Variants in BMP1 observed in about 807,000 individuals in gnomAD.
BMP1 encodes bone morphogenetic protein 1, also known as mammalian tolloid protein.
In BMP1, 63 loss-of-function variants were observed where a neutral mutation model predicts 116.8. The observed-to-expected ratio is 0.54, with a 90% CI of 0.44 to 0.67. The LOEUF (loss-of-function observed/expected upper bound fraction) is 0.67. Ranked by LOEUF, BMP1 falls within the 30% of genes least tolerant of loss-of-function variation. The pLI, the probability that BMP1 is intolerant of heterozygous loss-of-function variation, is 0.00. For missense variants in BMP1, 1,183 were observed against 1,358.9 expected, an observed-to-expected ratio of 0.87 and a Z score of 2.04; for synonymous variants, 536 against 533.4, an observed-to-expected ratio of 1.00 and a Z score of -0.07.
rs752613212 is a variant in BMP1, at chr8:22,176,548, T to C, written c.449T>C (p.Val150Ala). 1.9e-6 allele frequency: 3 copies of C among 1,614,062 alleles called. No individual in the cohort carries two copies. Among genetic ancestry groups the C allele is most frequent in the African/African-American group, 2.7e-5 (2 of 74,932 alleles). Residue 150 changes from valine (V) to alanine (A), a missense_variant, in exon 4 of 20, where the codon GTC (valine) becomes GCC (alanine). This residue lies in a region of BMP1 where 40 missense variants were observed against 47.5 expected (regional missense o/e 0.84). Transcript: ENST00000306385. ...GGNFTGSQRA[V>A]FRQAMRHWEK... ...CTCCTGGCAGGTAGCCAGAGGGCAG[T>C]CTTCCGGCAGGCCATGAGGCACTGG...
At chr8:22,196,502 G>A in intron 13 of BMP1, 178 bp from the exon 14 acceptor site, 1 of 823,400 alleles carries the variant, frequency 1.2e-6, no homozygotes, top group South Asian at 1.6e-5. Flanking sequence ...CCACCCCTGA[G>A]GACACCCAGG....
intron 8 of BMP1, among the ~76,000 whole-genome samples, chr8:22,186,883 A>G (rs1409000944): frequency 1.3e-5 from 2 of 152,270 alleles, no homozygotes; most frequent in Admixed American, 6.5e-5. Context: ...TAAAGGTATG[A>G]GGATTAAACA....
rs1016666673 is a variant in BMP1, at chr8:22,165,882, C to CGTGCGTGTGT, written c.148+332_148+333insCGTGTGTGTG. Among the ~76,000 whole-genome samples, 139 of 131,416 alleles carry CGTGCGTGTGT rather than the reference C, an allele frequency of 1.1e-3. 2 individuals carry two copies. The highest frequency in any genetic ancestry group is 3.0e-3 in the African/African-American group (104 of 34,698). 86.2% of individuals were successfully genotyped at this position (131,416 alleles called of 152,430 possible). On this transcript the variant is annotated intron_variant, in intron 1 of 19. Transcript: ENST00000306385. ...TTTTCTGGCCAAACTCCTGTGCGTG[C>CGTGCGTGTGT]GTGTGTGTGTGTGTGTGTGTGTGTG...
At chr8:22,199,100 CTG>C (rs1270912708) in intron 15 of BMP1, 5 of 1,367,470 alleles carry the variant, frequency 3.7e-6, no homozygotes, top group Non-Finnish European at 4.9e-6. Context: ...CTGGTCGACA[CTG>C]TGCCCGCCCC....
chr8:22,206,571 C>A (rs1475384777), intron 16 of BMP1, among the ~76,000 whole-genome samples: 1 of 151,958 alleles, frequency 6.6e-6, no homozygotes, highest in Non-Finnish European at 1.5e-5. Flanking sequence ...TGTGGCCCAA[C>A]ACCTACAAAG....
chr8:22,185,727 T>G (rs1182452095), intron 8 of BMP1, among the ~76,000 whole-genome samples: 1 of 151,804 alleles, frequency 6.6e-6, no homozygotes, highest in African/African-American at 2.4e-5. Context: ...GTTCAAGCAA[T>G]TCTTCTGCCT....
intron 16 of BMP1, among the ~76,000 whole-genome samples, chr8:22,206,024 C>G (rs929123691): frequency 1.3e-5 from 2 of 152,134 alleles, no homozygotes; most frequent in African/African-American, 2.4e-5. Context: ...GTCAAAGTCC[C>G]CTGTGACTGT....
rs779299124 is a variant in BMP1, at chr8:22,177,150, G to A, written c.730+11G>A. On this transcript the variant is annotated intron_variant, in intron 5 of 19. Coordinates refer to ENST00000306385, the MANE Select transcript of BMP1 (RefSeq NM_006129.5). The stretch of plus-strand genomic sequence containing the variant: ...AGAACATCCAGCCAGGTAGGTACCT[G>A]CCCCTCGGTGCGGCCTTGGTGGGCG... 1.3e-6 allele frequency: 2 copies of A among 1,586,434 alleles called. No individual in the cohort carries two copies. Among genetic ancestry groups the A allele is most frequent in the Middle Eastern group, 1.7e-4 (1 of 5,882 alleles).
chr8:22,195,494 G>A lies in BMP1; in HGVS notation c.1672G>A (p.Gly558Ser). The A allele has an allele frequency of 6.2e-7, 1 of 1,611,860 alleles. No homozygotes were observed. Among genetic ancestry groups the A allele is most frequent in the Non-Finnish European group, 8.5e-7 (1 of 1,179,548 alleles). The change falls in exon 13 of 20, where the codon GGC becomes AGC. Residue 558 changes from glycine (G) to serine (S), a missense_variant. Gly to Ser is a moderately conservative substitution (Grantham distance 56, BLOSUM62 0). Coordinates refer to ENST00000306385, the MANE Select transcript of BMP1 (RefSeq NM_006129.5). ...CGAGTGCTCTCGGCCCAACCGCGGGGGCTGTGAGCAGCGGTGCCTCAACAC... is the reference window on the plus strand; with the variant it reads ...CGAGTGCTCTCGGCCCAACCGCGGGAGCTGTGAGCAGCGGTGCCTCAACAC... ...VDECSRPNRG[G>S]CEQRCLNTLG...
chr8:22,176,407 C>T, intron 3 of BMP1, 94 bp downstream of exon 3: 1 of 1,546,064 alleles, frequency 6.5e-7, no homozygotes, highest in East Asian at 2.3e-5. Flanking sequence ...GTGCCACCTG[C>T]AGCCCGAGTG....
In BMP1 at chr8:22,211,655, C is replaced by T; in HGVS notation, c.2888C>T (p.Thr963Ile). ...SVLVKFHSDD[T>I]ITKKGFHLRY... The stretch of plus-strand genomic sequence containing the variant: ...CTGGTGAAGTTCCACTCGGATGACA[C>T]CATCACCAAAAAAGGTTTCCACCTG... Residue 963 changes from threonine to isoleucine, a missense_variant, in exon 20 of 20, where the codon ACC becomes ATC. By Grantham distance (89) the Thr-to-Ile change is moderately conservative (BLOSUM62 -1). This residue lies in a region of BMP1 where 956 missense variants were observed against 1,135.2 expected (regional missense o/e 0.84). Coordinates refer to ENST00000306385, the MANE Select transcript of BMP1 (RefSeq NM_006129.5). 6.2e-7 allele frequency: 1 copy of T among 1,614,160 alleles called. No homozygotes were observed.
chr8:22,176,248 C>G lies in BMP1; in HGVS notation c.368C>G (p.Thr123Arg). ...AGATCCCGTAGCCGGCGGGCGGCGA[C>G]GTCCCGACCAGAGCGTGTGTGGCCC... ...RGRSRSRRAA[T>R]SRPERVWPDG... The change falls in exon 3 of 20, where the codon ACG (threonine) becomes AGG (arginine). Residue 123 changes from threonine to arginine, a missense_variant. Coordinates refer to ENST00000306385, the MANE Select transcript of BMP1 (RefSeq NM_006129.5). 1 of 1,613,730 alleles carries G rather than the reference C, an allele frequency of 6.2e-7. No individual in the cohort carries two copies.
At chr8:22,190,537 C>T (rs571439862) in intron 8 of BMP1, among the ~76,000 whole-genome samples, 111 of 152,168 alleles carry the variant, frequency 7.3e-4, no homozygotes, top group Non-Finnish European at 1.4e-3. Context: ...TCGATGAAGC[C>T]GGCCTGCACG....
intron 16 of BMP1, among the ~76,000 whole-genome samples, chr8:22,205,768 C>G (rs1166921516): frequency 6.6e-6 from 1 of 152,070 alleles, no homozygotes; most frequent in Non-Finnish European, 1.5e-5. Context: ...AAGTGAGGAC[C>G]CATTTTTGTT....
chr8:22,196,888 G>C lies in BMP1; in HGVS notation c.1926+48G>C, dbSNP rs778543547. The C allele has an allele frequency of 3.2e-6, 5 of 1,574,076 alleles. No homozygotes were observed. The African/African-American group carries it at 6.7e-5, about 21-fold the overall frequency. ...GGTGGGGCAGGAAGCTGTGAGGCGT[G>C]GGCATTCAGCTCAGTGCCTGCTTCC... On this transcript the variant is annotated intron_variant, in intron 14 of 19. Transcript: ENST00000306385.
chr8:22,189,654 T>C (rs886939335), intron 8 of BMP1, among the ~76,000 whole-genome samples: 1 of 151,808 alleles, frequency 6.6e-6, no homozygotes, highest in Non-Finnish European at 1.5e-5. Flanking sequence ...TTTCTAGAGA[T>C]GGGGGTCTCA....
intron 18 of BMP1, among the ~76,000 whole-genome samples, chr8:22,208,441 G>C (rs1470907307): frequency 6.6e-6 from 1 of 152,208 alleles, no homozygotes; most frequent in Non-Finnish European, 1.5e-5. Flanking sequence ...GACAAGGCAG[G>C]CACCGCCCGT....
intron 14 of BMP1, 112 bp from the exon 15 acceptor site, chr8:22,197,128 G>A (rs1385971094): frequency 3.7e-6 from 5 of 1,368,732 alleles, no homozygotes; most frequent in Non-Finnish European, 5.0e-6. Context: ...CAGTGAGGGG[G>A]CGTAGCTAAG....
At chr8:22,207,022 C>G in intron 17 of BMP1, 41 bp downstream of exon 17, 1 of 1,609,054 alleles carries the variant, frequency 6.2e-7, no homozygotes, top group South Asian at 1.1e-5. Context: ...GTGTGGCTGC[C>G]CCCGGTCAGA....
Sources: allele counts gnomAD v4.1 joint callset (sites outside exome capture counted in the v4.1 genomes callset), GRCh38; gene constraint gnomAD v4.1.1; regional missense constraint gnomAD v4.1.1; transcripts MANE v1.5; gene names NCBI Gene and HGNC (gene_info 2026-07-23, HGNC 2026-07-21).